The following PSD3 variants were observed in gnomAD, a reference collection of about 807,000 sequenced individuals.
PSD3 encodes the protein pleckstrin and Sec7 domain containing 3.
In PSD3, 49 loss-of-function variants were observed where a neutral mutation model predicts 105.5. The ratio of observed to expected loss-of-function variants is 0.46; its 90% CI spans 0.37 to 0.59. The LOEUF (loss-of-function observed/expected upper bound fraction) is 0.59, where lower values mean the gene tolerates loss of function less well. Ranked by LOEUF, PSD3 falls within the 20% of genes least tolerant of loss-of-function variation. PSD3 has a pLI of 0.00. For synonymous variants in PSD3, 557 were observed against 457.8 expected (o/e 1.22, Z -2.77); for missense variants, 1,561 against 1,263.8 (o/e 1.24, Z -3.57).
Position 18,632,762 on chromosome 8 carries a change from T to A in PSD3, c.2261A>T (p.Glu754Val). 6.2e-7 allele frequency: 1 copy of A among 1,603,540 alleles called. No individual in the cohort carries two copies. Among genetic ancestry groups the A allele is most frequent in the Admixed American group, 1.7e-5 (1 of 59,468 alleles). Residue 754 changes from glutamate (E) to valine (V), a missense_variant, in exon 11 of 16, where the codon GAG becomes GTG. Transcript: ENST00000327040. ...CTTTGGATGTGTTCCGTTAGCTTTC[T>A]CCTCAGTACTTTCTGAGGGAGACTT... ...KKKSPSESTE[E>V]KANGTHPKTI...
At chr8:18,683,725 T>C (rs746120770) in intron 9 of PSD3, 17 of 751,522 alleles carry the variant, frequency 2.3e-5, no homozygotes, top group African/African-American at 1.4e-4. Context: ...TCCAATTCTG[T>C]TGCCCTGCCA....
At position 18,577,413 on chromosome 8, in the gene PSD3, C is replaced by T. The variant is rs187842639; in HGVS notation, c.2482-2128G>A. ...GTCTTTATATTCAAGTTTATTGACT[C>T]GGTTCCTCTGCCCTTACATCATTTT... On this transcript the variant is annotated intron_variant, in intron 12 of 15. Transcript: ENST00000327040. 5.9e-5 allele frequency among the ~76,000 whole-genome samples: 9 copies of T among 152,086 alleles called. 2 individuals carry two copies. Among genetic ancestry groups the T allele is most frequent in the African/African-American group, 2.2e-4 (9 of 41,522 alleles).
chr8:18,968,261 C>A (rs934074458), intron 1 of PSD3, among the ~76,000 whole-genome samples: 3 of 152,206 alleles, frequency 2.0e-5, no homozygotes, highest in Non-Finnish European at 4.4e-5. Context: ...CCCTGCAAGT[C>A]CAATTCTGAC....
chr8:18,719,199 T>G (rs1403181876), intron 9 of PSD3, among the ~76,000 whole-genome samples: 1 of 152,160 alleles, frequency 6.6e-6, no homozygotes, highest in Non-Finnish European at 1.5e-5. Context: ...AAGATGGGTA[T>G]GAGTGGACGC....
At chr8:18,698,408 G>C (rs1426373514) in intron 9 of PSD3, among the ~76,000 whole-genome samples, 5 of 152,162 alleles carry the variant, frequency 3.3e-5, no homozygotes, top group African/African-American at 9.7e-5. Flanking sequence ...TGCAAGCCAT[G>C]ATGCTCAGCC....
chr8:18,982,316 C>A (rs1048016139), intron 1 of PSD3, among the ~76,000 whole-genome samples: 4 of 152,194 alleles, frequency 2.6e-5, no homozygotes, highest in African/African-American at 9.7e-5. Flanking sequence ...ACTTTCTCCA[C>A]TGCAGTCTTG....
chr8:18,665,949 T>G (rs1290186724), intron 9 of PSD3, among the ~76,000 whole-genome samples: 1 of 152,246 alleles, frequency 6.6e-6, no homozygotes, highest in Non-Finnish European at 1.5e-5. Flanking sequence ...ACCACCCTGA[T>G]TAGTCAGCAG....
intron 1 of PSD3, among the ~76,000 whole-genome samples, chr8:19,072,327 T>C (rs998441052): frequency 3.9e-5 from 6 of 151,926 alleles, no homozygotes; most frequent in African/African-American, 1.5e-4. Context: ...GCTCACGTGA[T>C]CCGCCCACCT....
At chr8:18,648,710 A>G (rs902233346) in intron 10 of PSD3, among the ~76,000 whole-genome samples, 5 of 152,236 alleles carry the variant, frequency 3.3e-5, no homozygotes, top group South Asian at 2.1e-4. Flanking sequence ...CCTTTGCAGC[A>G]GCCCCTCCTA....
chr8:18,676,088 T>C (rs1800049190), intron 9 of PSD3, among the ~76,000 whole-genome samples: 1 of 152,196 alleles, frequency 6.6e-6, no homozygotes, highest in Non-Finnish European at 1.5e-5. Flanking sequence ...AATATATATA[T>C]ATTTTTTTCT....
intron 8 of PSD3, among the ~76,000 whole-genome samples, chr8:18,775,118 G>T (rs188041590): frequency 6.6e-6 from 1 of 151,916 alleles, no homozygotes; most frequent in South Asian, 2.1e-4. Flanking sequence ...GGTATTTGTC[G>T]CTCTGTGCCA....
chr8:19,017,412 A>G (rs928611487), upstream of PSD3, among the ~76,000 whole-genome samples: 4 of 152,138 alleles, frequency 2.6e-5, no homozygotes, highest in Non-Finnish European at 5.9e-5. Context: ...TCAAGATCCA[A>G]TTCACATACC....
chr8:18,594,456 A>T (rs1361864422), intron 12 of PSD3, among the ~76,000 whole-genome samples: 2 of 128,474 alleles, frequency 1.6e-5, no homozygotes, highest in Non-Finnish European at 3.1e-5. Context: ...TTTATATATT[A>T]TATTATATAT....
intron 1 of PSD3, among the ~76,000 whole-genome samples, chr8:19,037,540 A>G (rs866439865): frequency 2.0e-5 from 3 of 152,364 alleles, no homozygotes; most frequent in Admixed American, 6.5e-5. Flanking sequence ...TTTCCAGAAG[A>G]GATTCATATT....
intron 4 of PSD3, among the ~76,000 whole-genome samples, chr8:18,851,872 T>C (rs951032008): frequency 6.6e-6 from 1 of 152,190 alleles, no homozygotes; most frequent in Non-Finnish European, 1.5e-5. Context: ...CCAATGGAAC[T>C]TTTACCGTTG....
At chr8:18,616,408 G>A (rs1414623130) in intron 11 of PSD3, among the ~76,000 whole-genome samples, 2 of 152,322 alleles carry the variant, frequency 1.3e-5, no homozygotes, top group South Asian at 4.1e-4. Context: ...TCTGTGGAGA[G>A]AATCTGTATT....
intron 1 of PSD3, among the ~76,000 whole-genome samples, chr8:18,964,243 C>T (rs1251271186): frequency 1.3e-5 from 2 of 152,162 alleles, no homozygotes; most frequent in South Asian, 2.1e-4. Flanking sequence ...CCCACCTCAG[C>T]CATCCCAGTA....
chr8:18,850,175 G>C (rs938598166), intron 4 of PSD3, among the ~76,000 whole-genome samples: 16 of 152,340 alleles, frequency 1.1e-4, no homozygotes, highest in African/African-American at 3.8e-4. Flanking sequence ...TTGAAAACCA[G>C]AACCACAGCA....
chr8:18,777,892 T>C lies in PSD3; in HGVS notation c.2083-12354A>G, dbSNP rs1808248182. Among the ~76,000 whole-genome samples, 4 of 152,296 alleles carry C rather than the reference T, an allele frequency of 2.6e-5. No individual in the cohort carries two copies. The South Asian group carries it at 8.3e-4, about 32-fold the overall frequency. ...TTAAACTCCCTCATGAGGGAGAGCATACAATATGTGTCTTTCAATGCCTGA... is the reference window on the plus strand; with the variant it reads ...TTAAACTCCCTCATGAGGGAGAGCACACAATATGTGTCTTTCAATGCCTGA... On this transcript the variant is annotated intron_variant, in intron 8 of 15. Coordinates refer to ENST00000327040, the MANE Select transcript of PSD3 (RefSeq NM_015310.4).
Sources: allele counts gnomAD v4.1 joint callset (sites outside exome capture counted in the v4.1 genomes callset), GRCh38; gene constraint gnomAD v4.1.1; transcripts MANE v1.5; gene names NCBI Gene and HGNC (gene_info 2026-07-23, HGNC 2026-07-21).